Variants in COL13A1 observed in about 807,000 individuals in gnomAD.
COL13A1 encodes the protein collagen alpha-1(XIII) chain.
Under a neutral mutation model 130.9 loss-of-function variants are expected in COL13A1, and 89 were observed. The ratio of observed to expected loss-of-function variants is 0.68; its 90% CI spans 0.57 to 0.81. COL13A1 has a LOEUF of 0.81. Ranked by LOEUF, COL13A1 falls within the 30% of genes least tolerant of loss-of-function variation. COL13A1 has a pLI of 0.00. For synonymous variants in COL13A1, 402 were observed against 341.6 expected (o/e 1.18, Z -1.95); for missense variants, 879 against 934.6 (o/e 0.94, Z 0.78).
chr10:69,892,476 G>A (rs1279158873), intron 10 of COL13A1, among the ~76,000 whole-genome samples: 1 of 152,208 alleles, frequency 6.6e-6, no homozygotes, highest in Non-Finnish European at 1.5e-5. Context: ...ACAAGATTGG[G>A]GGTCTGAGAC....
chr10:69,906,951 G>A (rs182550933), intron 17 of COL13A1, among the ~76,000 whole-genome samples: 12 of 152,056 alleles, frequency 7.9e-5, no homozygotes, highest in East Asian at 7.8e-4. Context: ...GGATGGTCTC[G>A]GTCTCTTGAC....
At chr10:69,868,241 C>T (rs2058718757) in intron 3 of COL13A1, among the ~76,000 whole-genome samples, 1 of 152,142 alleles carries the variant, frequency 6.6e-6, no homozygotes, top group Non-Finnish European at 1.5e-5. Context: ...TGGTCTGCTC[C>T]AGGGGACTCA....
rs564157477 is a variant in COL13A1, at chr10:69,937,929, G to C, written c.1878+214G>C. On this transcript the variant is annotated intron_variant, in intron 34 of 40. Transcript: ENST00000645393. The stretch of plus-strand genomic sequence containing the variant: ...CTTGGTGCTGGGGAAAGGCAATGCT[G>C]AAGAAGACAGGCTCCCCCACCCCAA... 2.6e-5 allele frequency among the ~76,000 whole-genome samples: 4 copies of C among 152,356 alleles called. No individual in the cohort carries two copies. In the East Asian group the frequency reaches 7.7e-4, roughly 29 times the overall value.
intron 1 of COL13A1, among the ~76,000 whole-genome samples, chr10:69,809,402 C>G (rs374608564): frequency 3.3e-4 from 51 of 152,350 alleles, no homozygotes; most frequent in African/African-American, 1.2e-3. Context: ...GTACCAGGGA[C>G]TATTCAAAGA....
At chr10:69,928,101 G>A (rs35039949) in intron 27 of COL13A1, among the ~76,000 whole-genome samples, 8,163 of 152,168 alleles carry the variant, frequency 0.054, 300 homozygotes, top group Middle Eastern at 0.13. Flanking sequence ...GCAGTGAGTC[G>A]AGACTGCACC....
chr10:69,868,687 A>C (rs776413562), intron 3 of COL13A1, among the ~76,000 whole-genome samples: 1 of 152,058 alleles, frequency 6.6e-6, no homozygotes, highest in African/African-American at 2.4e-5. Context: ...CTTGATGTGT[A>C]CCTGTGGGAG....
chr10:69,868,303 G>A (rs1376697281), intron 3 of COL13A1, among the ~76,000 whole-genome samples: 4 of 151,110 alleles, frequency 2.6e-5, no homozygotes, highest in Admixed American at 1.3e-4. Flanking sequence ...TGGGCAGGTG[G>A]TGGTGGTGGC....
intron 4 of COL13A1, among the ~76,000 whole-genome samples, chr10:69,874,012 T>C (rs938195986): frequency 1.3e-4 from 20 of 152,210 alleles, no homozygotes; most frequent in Non-Finnish European, 2.5e-4. Flanking sequence ...GAAGCTCTTA[T>C]CACCCCCACT....
intron 20 of COL13A1, 82 bp downstream of exon 20, chr10:69,919,170 C>T: frequency 6.3e-7 from 1 of 1,578,970 alleles, no homozygotes; most frequent in Non-Finnish European, 8.7e-7. Context: ...CTGTTTTGCT[C>T]TTGGTCCCCC....
chr10:69,874,530 A>G (rs1296941025), intron 4 of COL13A1, among the ~76,000 whole-genome samples: 1 of 152,250 alleles, frequency 6.6e-6, no homozygotes, highest in East Asian at 1.9e-4. Context: ...GAGCATCTGC[A>G]ACTCGTGATT....
chr10:69,917,947 G>A (rs939663621), intron 18 of COL13A1, among the ~76,000 whole-genome samples: 2 of 151,158 alleles, frequency 1.3e-5, no homozygotes, highest in Non-Finnish European at 2.9e-5. Context: ...ATATTCCAAC[G>A]AAGCTCCCCC....
chr10:69,816,102 C>G (rs1002235382), intron 1 of COL13A1, among the ~76,000 whole-genome samples: 9 of 151,174 alleles, frequency 6.0e-5, no homozygotes, highest in African/African-American at 2.2e-4. Flanking sequence ...TGTGATTACC[C>G]TGGCTGCCGT....
chr10:69,834,855 G>A (rs1437375955), intron 2 of COL13A1, among the ~76,000 whole-genome samples: 1 of 152,204 alleles, frequency 6.6e-6, no homozygotes, highest in Non-Finnish European at 1.5e-5. Context: ...CAGAGGGAGA[G>A]GGGCTAGAAG....
chr10:69,941,535 G>T (rs971398804), intron 35 of COL13A1, among the ~76,000 whole-genome samples: 4 of 152,216 alleles, frequency 2.6e-5, no homozygotes, highest in South Asian at 2.1e-4. Flanking sequence ...GGAGTAGCCT[G>T]CAGAAGCATA....
At chr10:69,811,211 C>G (rs1842958117) in intron 1 of COL13A1, among the ~76,000 whole-genome samples, 1 of 152,142 alleles carries the variant, frequency 6.6e-6, no homozygotes, top group Non-Finnish European at 1.5e-5. Context: ...TCCTGCCCAC[C>G]ACCCCCTCCC....
At chr10:69,867,037 C>G (rs1363016167) in intron 2 of COL13A1, among the ~76,000 whole-genome samples, 1 of 152,156 alleles carries the variant, frequency 6.6e-6, no homozygotes, top group African/African-American at 2.4e-5. Context: ...CCTCCCGCTC[C>G]CCACCCCTAT....
chr10:69,934,433 T>G (rs1329177055), intron 31 of COL13A1, among the ~76,000 whole-genome samples: 1 of 152,220 alleles, frequency 6.6e-6, no homozygotes, highest in Non-Finnish European at 1.5e-5. Flanking sequence ...CAGGAAACAA[T>G]AGGGACCTCC....
At chr10:69,957,526 C>A (rs556573006) in intron 40 of COL13A1, among the ~76,000 whole-genome samples, 1 of 152,348 alleles carries the variant, frequency 6.6e-6, no homozygotes, top group African/African-American at 2.4e-5. Context: ...GAGCTTCATG[C>A]CACCACACAT....
At chr10:69,822,275 C>A in intron 1 of COL13A1, 94 bp from the exon 2 acceptor site, 1 of 931,674 alleles carries the variant, frequency 1.1e-6, no homozygotes, top group Non-Finnish European at 1.5e-6. Context: ...CCGGTTTCCC[C>A]CTCTTCCTGC....
Sources: allele counts gnomAD v4.1 joint callset (sites outside exome capture counted in the v4.1 genomes callset), GRCh38; gene constraint gnomAD v4.1.1; transcripts MANE v1.5; gene names NCBI Gene and HGNC (gene_info 2026-07-23, HGNC 2026-07-21).